Variants in MYO9A observed in about 807,000 individuals in gnomAD.
The protein encoded by MYO9A is myosin IXA.
Under a neutral mutation model 293.3 loss-of-function variants are expected in MYO9A, and 103 were observed. The observed-to-expected ratio is 0.35, with a 90% CI of 0.30 to 0.41. MYO9A has a LOEUF of 0.41. Among genes scored for constraint, MYO9A ranks in the 10% least tolerant of loss-of-function variants. The probability of loss-of-function intolerance (pLI) is 1.00; values close to 1 mark genes in which losing one functional copy is unlikely to be tolerated. For synonymous variants in MYO9A, 1,001 were observed against 1,035.7 expected (o/e 0.97, Z 0.64); for missense variants, 2,685 against 3,033.0 (o/e 0.89, Z 2.69).
intron 6 of MYO9A, among the ~76,000 whole-genome samples, chr15:72,015,643 G>A (rs2077309194): frequency 6.6e-6 from 1 of 150,952 alleles, no homozygotes; most frequent in Non-Finnish European, 1.5e-5. Context: ...AGAGTTTGGT[G>A]AGGCTGACCG....
chr15:71,858,022 G>A (rs566631498), intron 34 of MYO9A, among the ~76,000 whole-genome samples: 57 of 152,396 alleles, frequency 3.7e-4, no homozygotes, highest in African/African-American at 1.2e-3. Flanking sequence ...ATCATCACTG[G>A]CCATCAGAGA....
At chr15:72,001,954 G>A (rs2076878120) in intron 8 of MYO9A, among the ~76,000 whole-genome samples, 1 of 152,158 alleles carries the variant, frequency 6.6e-6, no homozygotes, top group African/African-American at 2.4e-5. Context: ...GCTATATTGT[G>A]AGGTATATTG....
intron 4 of MYO9A, among the ~76,000 whole-genome samples, chr15:72,025,662 T>C (rs1566960465): frequency 6.6e-6 from 1 of 151,966 alleles, no homozygotes; most frequent in Non-Finnish European, 1.5e-5. Flanking sequence ...AAAAAGAACT[T>C]GACAGAACTA....
Position 72,046,426 on chromosome 15 carries a change from A to G in MYO9A, c.138T>C (p.Ile46=), listed in dbSNP as rs2078386156. The G allele has an allele frequency of 6.2e-6, 10 of 1,614,176 alleles. No individual in the cohort carries two copies. Among genetic ancestry groups the G allele is most frequent in the Non-Finnish European group, 8.5e-6 (10 of 1,180,028 alleles). Residue 46 remains isoleucine (I), a synonymous_variant, in exon 2 of 42, where the codon ATT becomes ATC. Transcript: ENST00000356056. The stretch of plus-strand genomic sequence containing the variant: ...GATGAAGTTTGTTTATAAGAGACTC[A>G]ATCACCTCAGCAGCTGTGGAGTTTT... ...ARKNSTAAEV[I]ESLINKLHLD...
At chr15:72,035,079 G>T (rs1405860699) in intron 2 of MYO9A, among the ~76,000 whole-genome samples, 1 of 152,138 alleles carries the variant, frequency 6.6e-6, no homozygotes, top group Non-Finnish European at 1.5e-5. Context: ...ACACCTATTA[G>T]AATGGCTAAA....
intron 23 of MYO9A, among the ~76,000 whole-genome samples, chr15:71,900,670 A>G (rs993639852): frequency 1.3e-5 from 2 of 152,194 alleles, no homozygotes; most frequent in Admixed American, 6.5e-5. Flanking sequence ...ATTTTCCTAA[A>G]TAACACTAAT....
chr15:71,827,519 A>G lies in MYO9A; in HGVS notation c.7183+365T>C, dbSNP rs554541901. Among the ~76,000 whole-genome samples the G allele has an allele frequency of 1.8e-3, 267 of 145,540 alleles. 3 individuals are homozygous for G. The highest frequency in any genetic ancestry group is 7.3e-3 in the African/African-American group (257 of 35,208). ...ATAAAACATTAAATTACCAAAAAAC[A>G]AAACAAAACAAAACAAAAAACAAAA... is the stretch of plus-strand genomic sequence containing the variant. On this transcript the variant is annotated intron_variant, in intron 41 of 41. Transcript: ENST00000356056.
intron 1 of MYO9A, among the ~76,000 whole-genome samples, chr15:72,097,132 ATT>A (rs2080090264): frequency 6.6e-6 from 1 of 152,218 alleles, no homozygotes; most frequent in Non-Finnish European, 1.5e-5. Context: ...ACTGACTCCA[ATT>A]TTGAAAAAAG....
At chr15:72,029,594 A>G (rs1005854493) in intron 3 of MYO9A, among the ~76,000 whole-genome samples, 3 of 152,204 alleles carry the variant, frequency 2.0e-5, no homozygotes, top group Non-Finnish European at 2.9e-5. Flanking sequence ...GTATGACCCA[A>G]GTTACGTATG....
rs1468713015 is a variant in MYO9A at position 71,822,944 on chromosome 15, A to G, written c.*3636T>C. 6.6e-6 allele frequency: 1 copy of G among 152,208 alleles called. No individual in the cohort carries two copies. The highest frequency in any genetic ancestry group is 1.5e-5 in the Non-Finnish European group (1 of 68,044). 9.4% of individuals were successfully genotyped at this position (152,208 alleles called of 1,614,324 possible). A position where few individuals can be genotyped will look rare whatever the true frequency, so the allele number is the denominator to read the frequency against. Reference sequence around the variant, plus strand: ...GGTTAAAAGTAGTCTAGGGCATAGAAAAAGAGGACTCTCACAGATACCAAG... The same window carrying G: ...GGTTAAAAGTAGTCTAGGGCATAGAGAAAGAGGACTCTCACAGATACCAAG... On this transcript the variant is annotated 3_prime_UTR_variant, in exon 42 of 42. Coordinates refer to ENST00000356056, the MANE Select transcript of MYO9A (RefSeq NM_006901.4).
chr15:71,907,579 A>G (rs865870338), intron 19 of MYO9A, among the ~76,000 whole-genome samples: 2,072 of 138,722 alleles, frequency 0.015, 26 homozygotes, highest in African/African-American at 0.051. Context: ...AAGTGTTCCT[A>G]TTTCTCCACA....
chr15:71,999,981 A>C, intron 8 of MYO9A, 41 bp from the exon 9 acceptor site: 1 of 1,508,970 alleles, frequency 6.6e-7, no homozygotes, highest in Non-Finnish European at 9.1e-7. Context: ...AAGATTTATG[A>C]CAATAGGTTG....
chr15:72,010,785 C>T (rs988739275), intron 6 of MYO9A, among the ~76,000 whole-genome samples: 5 of 152,212 alleles, frequency 3.3e-5, no homozygotes, highest in Admixed American at 6.5e-5. Context: ...TAAAGGGTTT[C>T]AGAAATTCAA....
chr15:72,051,684 C>T (rs116572390), intron 1 of MYO9A, among the ~76,000 whole-genome samples: 1,949 of 152,242 alleles, frequency 0.013, 28 homozygotes, highest in African/African-American at 0.02. Flanking sequence ...AGTGTGCACA[C>T]GCTCCAGATA....
intron 18 of MYO9A, among the ~76,000 whole-genome samples, chr15:71,926,142 C>T (rs920696760): frequency 6.6e-6 from 1 of 152,158 alleles, no homozygotes; most frequent in Non-Finnish European, 1.5e-5. Flanking sequence ...CTGTAGTCAA[C>T]ATCCGATGTT....
intron 33 of MYO9A, among the ~76,000 whole-genome samples, chr15:71,861,694 A>AC (rs1164011757): frequency 6.8e-5 from 10 of 147,652 alleles, no homozygotes; most frequent in East Asian, 2.1e-4. Flanking sequence ...AAAAAAAAAA[A>AC]AAAAAAACAA....
chr15:71,835,129 C>T (rs1463261222), intron 39 of MYO9A, among the ~76,000 whole-genome samples: 1 of 152,054 alleles, frequency 6.6e-6, no homozygotes, highest in Non-Finnish European at 1.5e-5. Flanking sequence ...CTTAGAAAAC[C>T]TGGAATGGAA....
At chr15:71,895,757 C>A (rs964024028) in intron 25 of MYO9A, among the ~76,000 whole-genome samples, 1 of 151,780 alleles carries the variant, frequency 6.6e-6, no homozygotes, top group Admixed American at 6.6e-5. Flanking sequence ...TAAAAGAAAT[C>A]AACTCAAATA....
At chr15:71,935,944 C>T (rs1490397983) in intron 16 of MYO9A, among the ~76,000 whole-genome samples, 4 of 151,488 alleles carry the variant, frequency 2.6e-5, no homozygotes, top group Non-Finnish European at 5.9e-5. Flanking sequence ...ACTACTCACA[C>T]ACCCATTAAA....
Sources: gnomAD v4.1 joint callset for allele counts (sites outside exome capture counted in the v4.1 genomes callset) on GRCh38, gnomAD v4.1.1 for gene constraint, MANE v1.5 for transcripts, NCBI Gene and HGNC (gene_info 2026-07-23, HGNC 2026-07-21) for gene names.